ZBP1: variants seen among roughly 807,000 people sequenced by gnomAD.
The protein encoded by ZBP1 is Z-DNA binding protein 1.
In ZBP1, 42 loss-of-function variants were observed where a neutral mutation model predicts 41.1. The ratio of observed to expected loss-of-function variants is 1.02; its 90% CI spans 0.80 to 1.32. ZBP1 has a LOEUF of 1.32. Among genes scored for constraint, ZBP1 ranks in the 40% most tolerant of loss-of-function variants. The pLI, the probability that ZBP1 is intolerant of heterozygous loss-of-function variation, is 0.00. For synonymous variants in ZBP1, 214 were observed against 205.2 expected (o/e 1.04, Z -0.37); for missense variants, 562 against 549.7 (o/e 1.02, Z -0.22).
chr20:57,609,385 C>T (rs542422322), intron 7 of ZBP1, among the ~76,000 whole-genome samples: 1 of 152,266 alleles, frequency 6.6e-6, no homozygotes, highest in Admixed American at 6.5e-5. Flanking sequence ...CAGTGGAGCC[C>T]CCTCCCCTGA....
At chr20:57,615,927 G>C (rs1357864217) in intron 2 of ZBP1, 2 of 543,204 alleles carry the variant, frequency 3.7e-6, no homozygotes, top group South Asian at 4.5e-5. Flanking sequence ...GACTGCATAT[G>C]TTCTGTGATT....
At chr20:57,611,505 C>T (rs1383607913) in intron 6 of ZBP1, among the ~76,000 whole-genome samples, 1 of 147,534 alleles carries the variant, frequency 6.8e-6, no homozygotes, top group African/African-American at 2.5e-5. Context: ...GATCCACCCG[C>T]TTTGGCTTCC....
intron 5 of ZBP1, 181 bp downstream of exon 5, chr20:57,612,982 T>G: frequency 2.1e-6 from 3 of 1,444,916 alleles, no homozygotes; most frequent in Non-Finnish European, 2.7e-6. Context: ...CAGGAGAGCT[T>G]TGATCCAGGT....
At chr20:57,608,040 G>A (rs189824219) in intron 7 of ZBP1, among the ~76,000 whole-genome samples, 6 of 152,216 alleles carry the variant, frequency 3.9e-5, no homozygotes, top group Admixed American at 3.9e-4. Context: ...GTGGGTCAGG[G>A]CAAGGGGCAA....
Position 57,613,148 on chromosome 20 carries a change from T to C in ZBP1, c.670+15A>G. 1 of 1,614,132 alleles carries C rather than the reference T, an allele frequency of 6.2e-7. No homozygotes were observed. The highest frequency in any genetic ancestry group is 1.7e-5 in the Admixed American group (1 of 60,020). On this transcript the variant is annotated intron_variant, in intron 5 of 7. Transcript: ENST00000371173. This position sits in a 1 kb window ranked among gnomAD's most constrained non-coding sequence, Gnocchi z 4.5. ...CCACCGAGGTCCCCTCCCTGGGCTC[T>C]CTTGGGTGACTTACCGTCCTCCCTG...
At chr20:57,612,986 TC>T (rs2070713946) in intron 5 of ZBP1, 176 bp downstream of exon 5, 1 of 1,450,704 alleles carries the variant, frequency 6.9e-7, no homozygotes, top group Non-Finnish European at 9.0e-7. Flanking sequence ...AGAGCTTTGA[TC>T]CAGGTGTCCT....
chr20:57,616,589 G>T, intron 1 of ZBP1, 121 bp from the exon 2 acceptor site: 2 of 982,938 alleles, frequency 2.0e-6, no homozygotes, highest in Non-Finnish European at 3.0e-6. Context: ...CAGGGCAGAG[G>T]AAAGGGCAAG....
intron 4 of ZBP1, 116 bp downstream of exon 4, chr20:57,614,771 C>G: frequency 7.3e-7 from 1 of 1,366,556 alleles, no homozygotes; most frequent in East Asian, 2.3e-5. Context: ...GTCGGTAGGA[C>G]CTCCAGAAGC....
chr20:57,610,433 C>G lies in ZBP1; in HGVS notation c.875-66G>C. The G allele has an allele frequency of 3.2e-6, 5 of 1,565,130 alleles. No individual in the cohort carries two copies. Among genetic ancestry groups the G allele is most frequent in the Non-Finnish European group, 4.4e-6 (5 of 1,139,592 alleles). ...TGGACAGTGGCCGGGAACCCTGACCCCCAGCCTGGTTCACCCTCCTCCCCA... is the reference window on the plus strand; with the variant it reads ...TGGACAGTGGCCGGGAACCCTGACCGCCAGCCTGGTTCACCCTCCTCCCCA... On this transcript the variant is annotated intron_variant, in intron 6 of 7. Transcript: ENST00000371173. This position sits in a 1 kb window ranked among gnomAD's most constrained non-coding sequence, Gnocchi z 5.5.
chr20:57,619,250 T>A (rs1444935801), intron 1 of ZBP1, among the ~76,000 whole-genome samples: 1 of 152,184 alleles, frequency 6.6e-6, no homozygotes. Flanking sequence ...CTGTGTTGGT[T>A]TTTTAAAATT....
chr20:57,616,582 G>T, intron 1 of ZBP1, 114 bp from the exon 2 acceptor site: 1 of 1,110,320 alleles, frequency 9.0e-7, no homozygotes, highest in Non-Finnish European at 1.3e-6. Flanking sequence ...AGGGGTCCAG[G>T]GCAGAGGAAA....
Position 57,616,419 on chromosome 20 carries a change from C to A in ZBP1, c.84G>T (p.Pro28=), listed in dbSNP as rs16981188. The part of the protein sequence containing the change: ...ILQVLTEAGS[P]VKLAQLVKEC... ...CCTTCACCAGCTGGGCAAGTTTCAC[C>A]GGGGAGCCAGCCTCTGTCAGCACCT... The change falls in exon 2 of 8, where the codon CCG becomes CCT. Residue 28 remains proline, a synonymous_variant. Coordinates refer to ENST00000371173, the MANE Select transcript of ZBP1 (RefSeq NM_030776.3). The A allele has an allele frequency of 6.2e-7, 1 of 1,613,990 alleles. No individual in the cohort carries two copies. The highest frequency in any genetic ancestry group is 1.1e-5 in the South Asian group (1 of 91,080).
intron 2 of ZBP1, 83 bp downstream of exon 2, chr20:57,616,161 C>G (rs937970389): frequency 7.5e-7 from 1 of 1,335,786 alleles, no homozygotes; most frequent in African/African-American, 1.5e-5. Context: ...AGTTCAGATT[C>G]GAACCCAGGC....
chr20:57,605,059 G>A (rs988469589), intron 7 of ZBP1, among the ~76,000 whole-genome samples: 6 of 152,036 alleles, frequency 3.9e-5, no homozygotes, highest in African/African-American at 9.7e-5. Context: ...CCCAAAAGAC[G>A]GCTCTACATG....
rs76793286 is a variant in ZBP1 at position 57,613,762 on chromosome 20, G to A, written c.503-432C>T. Among the ~76,000 whole-genome samples the A allele has an allele frequency of 3.8e-3, 575 of 152,308 alleles. 2 individuals are homozygous for A. The highest frequency in any genetic ancestry group is 0.013 in the African/African-American group (554 of 41,562). On this transcript the variant is annotated intron_variant, in intron 4 of 7. Coordinates refer to ENST00000371173, the MANE Select transcript of ZBP1 (RefSeq NM_030776.3). This position sits in a 1 kb window ranked among gnomAD's most constrained non-coding sequence, Gnocchi z 4.5. Reference sequence around the variant, plus strand: ...GGCTCCCATGACATTTTCAATATTTGAATTTGTCACTAGTGTTTAAAATCT... The same window carrying A: ...GGCTCCCATGACATTTTCAATATTTAAATTTGTCACTAGTGTTTAAAATCT...
In ZBP1 at chr20:57,610,564, C is replaced by T. The variant is rs566627642; in HGVS notation, c.875-197G>A. 8.2e-5 allele frequency: 50 copies of T among 611,496 alleles called. No homozygotes were observed. Among genetic ancestry groups the T allele is most frequent in the East Asian group, 3.3e-4 (12 of 36,232 alleles). The allele number at this position is 611,496 out of a possible 1,614,324, so 37.9% of individuals were successfully genotyped here. On this transcript the variant is annotated intron_variant, in intron 6 of 7. Transcript: ENST00000371173. This position sits in a 1 kb window ranked among gnomAD's most constrained non-coding sequence, Gnocchi z 5.5. ...TCGTGCTGTTGTGCTGTCTGGGAAG[C>T]GTCTTTCTGCTCCACTGATCCCGCA...
Position 57,620,337 on chromosome 20 carries a change from T to G in ZBP1, c.-42A>C, listed in dbSNP as rs746545665. The G allele has an allele frequency of 1.1e-5, 18 of 1,570,932 alleles. No individual in the cohort carries two copies. The African/African-American group carries it at 2.2e-4, about 19-fold the overall frequency. ...AGGAGTCGGAGAGACTTGGCAGGTG[T>G]GCAGGCTTCTGCACTGTGGCCCTGA... On this transcript the variant is annotated 5_prime_UTR_variant, in exon 1 of 8. Transcript: ENST00000371173.
Position 57,616,370 on chromosome 20 carries a change from G to A in ZBP1, c.133C>T (p.Leu45Phe), listed in dbSNP as rs1393316215. 2.5e-6 allele frequency: 4 copies of A among 1,614,094 alleles called. No homozygotes were observed. Among genetic ancestry groups the A allele is most frequent in the Non-Finnish European group, 3.4e-6 (4 of 1,180,052 alleles). The change falls in exon 2 of 8, where the codon CTC becomes TTC. Residue 45 changes from leucine (L) to phenylalanine (F), a missense_variant. Physicochemically the swap from Leu to Phe is conservative, Grantham distance 22. Transcript: ENST00000371173. Reference sequence around the variant, plus strand: ...TTCATTCGGTAGAGGACTTGGTTGAGCTCCCTCTTGGGTGCTTGGCATTCC... The same window carrying A: ...TTCATTCGGTAGAGGACTTGGTTGAACTCCCTCTTGGGTGCTTGGCATTCC... ...VKECQAPKRE[L>F]NQVLYRMKKE...
chr20:57,613,333 G>A lies in ZBP1; in HGVS notation c.503-3C>T. On this transcript the variant is annotated splice_region_variant and splice_polypyrimidine_tract_variant and intron_variant, in intron 4 of 7. Transcript: ENST00000371173. This position sits in a 1 kb window ranked among gnomAD's most constrained non-coding sequence, Gnocchi z 4.5. Reference sequence around the variant, plus strand: ...CTTTGCTCTTCTTCCAGAATCTTCTGCAAAATAATATTCAACTGTATCCCT... The same window carrying A: ...CTTTGCTCTTCTTCCAGAATCTTCTACAAAATAATATTCAACTGTATCCCT... 1 of 1,612,294 alleles carries A rather than the reference G, an allele frequency of 6.2e-7. No individual in the cohort carries two copies. The highest frequency in any genetic ancestry group is 1.1e-5 in the South Asian group (1 of 91,086).
Sources: allele counts gnomAD v4.1 joint callset (sites outside exome capture counted in the v4.1 genomes callset), GRCh38; gene constraint gnomAD v4.1.1; non-coding constraint Gnocchi (gnomAD v3.1); transcripts MANE v1.5; gene names NCBI Gene and HGNC (gene_info 2026-07-23, HGNC 2026-07-21).